Variants in FRMPD4 observed in about 807,000 individuals in gnomAD.
FRMPD4 encodes the protein FERM and PDZ domain containing 4.
Under a neutral mutation model 94.1 loss-of-function variants are expected in FRMPD4, and 22 were observed. The observed-to-expected ratio is 0.23, with a 90% confidence interval of 0.17 to 0.33. The LOEUF (loss-of-function observed/expected upper bound fraction) is 0.33. FRMPD4 is among the 10% of genes least tolerant of loss of function. The probability of loss-of-function intolerance (pLI) is 1.00; values close to 1 mark genes in which losing one functional copy is unlikely to be tolerated. For missense variants in FRMPD4, 1,111 were observed against 1,339.9 expected (o/e 0.83, Z 2.67); for synonymous variants, 631 against 548.6 (o/e 1.15, Z -2.10).
intron 1 of FRMPD4, among the ~76,000 whole-genome samples, chrX:12,145,268 A>G (rs2055748241): frequency 8.9e-6 from 1 of 112,345 alleles, no homozygotes; most frequent in Admixed American, 9.4e-5. Flanking sequence ...GGGGGAGAAC[A>G]CGCGGCCATC....
At position 12,571,763 on chromosome X, in the gene FRMPD4, T is replaced by C. The variant is rs1381938583; in HGVS notation, c.159-37958T>C. On this transcript the variant is annotated intron_variant, in intron 2 of 16. Transcript: ENST00000675598. ...AGATTTGGAAGACTTTGAAAAGGAG[T>C]ATCCTAATTACTATTGTTCACTTGA... Among the ~76,000 whole-genome samples the C allele has an allele frequency of 3.6e-5, 4 of 111,929 alleles. No individual in the cohort carries two copies. The East Asian group carries it at 1.1e-3, about 31-fold the overall frequency.
chrX:12,466,611 C>T (rs1255798780), intron 1 of FRMPD4, among the ~76,000 whole-genome samples: 1 of 111,860 alleles, frequency 8.9e-6, no homozygotes, highest in East Asian at 2.8e-4. Context: ...GAACAAGAGT[C>T]AAAGGAACAT....
At chrX:12,689,011 G>A (rs1350074555) in intron 7 of FRMPD4, among the ~76,000 whole-genome samples, 1 of 110,997 alleles carries the variant, frequency 9.0e-6, no homozygotes, top group East Asian at 2.8e-4. Context: ...GCAAGATGTT[G>A]AGCAGCATTT....
intron 4 of FRMPD4, among the ~76,000 whole-genome samples, chrX:12,652,248 C>G (rs2059601912): frequency 1.8e-5 from 2 of 112,394 alleles, no homozygotes; most frequent in African/African-American, 6.5e-5. Flanking sequence ...CCATTCTTCT[C>G]TCTATATAAT....
chrX:12,681,612 A>C (rs1211108699), intron 5 of FRMPD4, among the ~76,000 whole-genome samples: 1 of 110,314 alleles, frequency 9.1e-6, no homozygotes, highest in Non-Finnish European at 1.9e-5. Flanking sequence ...GACACTACTC[A>C]CAGCAAAGGA....
intron 3 of FRMPD4, among the ~76,000 whole-genome samples, chrX:12,101,392 C>T (rs2055254551): frequency 9.0e-6 from 1 of 111,123 alleles, no homozygotes; most frequent in Non-Finnish European, 1.9e-5. Context: ...AAGTGAAGCT[C>T]TCTTTACTTT....
chrX:11,985,966 A>G (rs1194711573), intron 3 of FRMPD4, among the ~76,000 whole-genome samples: 1 of 112,499 alleles, frequency 8.9e-6, no homozygotes, highest in East Asian at 2.8e-4. Context: ...GCCTGGGGGA[A>G]CTCATCACCC....
At chrX:12,193,811 G>A (rs191104896) in intron 1 of FRMPD4, among the ~76,000 whole-genome samples, 4,396 of 24,280 alleles carry the variant, frequency 0.18, 1,357 homozygotes, top group East Asian at 0.41. Context: ...AGGAAGGAAG[G>A]AAGGAAGGAA....
At chrX:12,499,553 T>C (rs1042436310) in intron 2 of FRMPD4, among the ~76,000 whole-genome samples, 7 of 112,276 alleles carry the variant, frequency 6.2e-5, no homozygotes, top group Non-Finnish European at 1.1e-4. Flanking sequence ...CCTGGTGACA[T>C]CTATTCTACT....
At chrX:12,113,087 A>T (rs1371501775) in intron 3 of FRMPD4, among the ~76,000 whole-genome samples, 1 of 112,119 alleles carries the variant, frequency 8.9e-6, no homozygotes, top group Non-Finnish European at 1.9e-5. Context: ...ATCTCCACCC[A>T]TTAAGGACAA....
chrX:12,263,987 A>C (rs2054235091), intron 1 of FRMPD4, among the ~76,000 whole-genome samples: 1 of 111,044 alleles, frequency 9.0e-6, no homozygotes, highest in Non-Finnish European at 1.9e-5. Context: ...TGGAGCATTA[A>C]TACCTCCCAT....
At chrX:12,540,226 TC>T (rs1291787037) in intron 2 of FRMPD4, among the ~76,000 whole-genome samples, 2 of 111,327 alleles carry the variant, frequency 1.8e-5, no homozygotes, top group Non-Finnish European at 3.8e-5. Flanking sequence ...CAGCATCAAA[TC>T]CACACAGAAC....
intron 1 of FRMPD4, among the ~76,000 whole-genome samples, chrX:12,179,954 A>G (rs1039972108): frequency 4.6e-5 from 5 of 108,597 alleles, no homozygotes; most frequent in African/African-American, 1.7e-4. Flanking sequence ...CTCATTTGCC[A>G]TTAACTGTCA....
At chrX:12,101,224 T>C (rs2055253201) in intron 3 of FRMPD4, among the ~76,000 whole-genome samples, 1 of 111,411 alleles carries the variant, frequency 9.0e-6, no homozygotes, top group South Asian at 3.8e-4. Context: ...TTGATGGTCA[T>C]CTAGCATTGA....
chrX:12,662,829 G>T (rs1187145002), intron 4 of FRMPD4, among the ~76,000 whole-genome samples: 1 of 112,500 alleles, frequency 8.9e-6, no homozygotes, highest in African/African-American at 3.2e-5. Context: ...CAGTGTAAAA[G>T]CATGCCTATT....
intron 1 of FRMPD4, among the ~76,000 whole-genome samples, chrX:12,216,441 A>G (rs1173201362): frequency 2.7e-5 from 3 of 111,815 alleles, no homozygotes; most frequent in Admixed American, 1.9e-4. Flanking sequence ...CTACTTCTGT[A>G]TTATCTTGAT....
intron 4 of FRMPD4, among the ~76,000 whole-genome samples, chrX:12,641,333 C>A (rs1218423509): frequency 9.0e-6 from 1 of 111,257 alleles, no homozygotes; most frequent in Non-Finnish European, 1.9e-5. Flanking sequence ...CTATCAGAGG[C>A]AGAGGGATAG....
rs190447191 is a variant in FRMPD4 at position 12,429,136 on chromosome X, C to A, written c.42-69544C>A. 1.1e-3 allele frequency among the ~76,000 whole-genome samples: 128 copies of A among 111,671 alleles called. 1 individual carries two copies. Among genetic ancestry groups the A allele is most frequent in the African/African-American group, 4.0e-3 (123 of 30,710 alleles). On this transcript the variant is annotated intron_variant, in intron 1 of 16. Transcript: ENST00000675598. ...TAACAAGCCTGGGTGACAGTCTTCT[C>A]CAGCTGGAGAAGGGGAAGACACTGG...
chrX:12,665,903 G>A (rs1204266652), intron 4 of FRMPD4, among the ~76,000 whole-genome samples: 1 of 111,356 alleles, frequency 9.0e-6, no homozygotes. Flanking sequence ...CATAATGACA[G>A]GATCAAATTC....
Sources: gnomAD v4.1 joint callset for allele counts (sites outside exome capture counted in the v4.1 genomes callset) on GRCh38, gnomAD v4.1.1 for gene constraint, MANE v1.5 for transcripts, NCBI Gene and HGNC (gene_info 2026-07-23, HGNC 2026-07-21) for gene names.